TPM4: variants seen among roughly 807,000 people sequenced by gnomAD.
TPM4 encodes the protein tropomyosin alpha-4 chain.
In TPM4, 17 loss-of-function variants were observed where a neutral mutation model predicts 35.8. That is an observed-to-expected ratio of 0.47 (90% CI 0.32 to 0.71). The LOEUF (loss-of-function observed/expected upper bound fraction) is 0.71, where lower values mean the gene tolerates loss of function less well. TPM4 is among the 30% of genes least tolerant of loss of function. The pLI, the probability that TPM4 is intolerant of heterozygous loss-of-function variation, is 0.03. For synonymous variants in TPM4, 120 were observed against 122.9 expected (o/e 0.98, Z 0.15); for missense variants, 240 against 320.9 (o/e 0.75, Z 1.93).
In TPM4 at chr19:16,101,442, C is replaced by T. The variant is rs1422222146; in HGVS notation, c.*96C>T. On this transcript the variant is annotated 3_prime_UTR_variant, in exon 8 of 8. Coordinates refer to ENST00000643579, the MANE Select transcript of TPM4 (RefSeq NM_003290.3). Reference sequence around the variant, plus strand: ...GTTCCTTTTGTTATTGCCATCTTCGCTTTGCTGGAAATGTCAAGCAAATTA... The same window carrying T: ...GTTCCTTTTGTTATTGCCATCTTCGTTTTGCTGGAAATGTCAAGCAAATTA... The T allele has an allele frequency of 1.1e-6, 1 of 901,778 alleles. No homozygotes were observed. The highest frequency in any genetic ancestry group is 1.6e-6 in the Non-Finnish European group (1 of 621,306). 55.9% of individuals were successfully genotyped at this position (901,778 alleles called of 1,614,324 possible).
chr19:16,076,477 G>C (rs1026225475), upstream of TPM4: 48 of 1,333,538 alleles, frequency 3.6e-5, no homozygotes, highest in East Asian at 9.7e-5. Context: ...CAAAGGCTTG[G>C]GGGGCCGGGG....
chr19:16,075,908 ACCC>A, upstream of TPM4: 1 of 1,254,976 alleles, frequency 8.0e-7, no homozygotes, highest in Non-Finnish European at 1.1e-6. Context: ...TGCTATCGCA[ACCC>A]CTGTTCTACA....
intron 7 of TPM4, chr19:16,095,959 T>C (rs1446573091): frequency 6.6e-6 from 1 of 150,442 alleles, no homozygotes; most frequent in Non-Finnish European, 1.5e-5. Context: ...GGAGTCTCAC[T>C]ATGTCGCCCA....
chr19:16,089,668 C>CTTTTT (rs35056151), intron 5 of TPM4, among the ~76,000 whole-genome samples: 41 of 129,502 alleles, frequency 3.2e-4, no homozygotes, highest in African/African-American at 1.1e-3. Context: ...CCACCCCCCA[C>CTTTTT]TTTTTTTTTT....
At chr19:16,068,120 TGTGTGTAC>T (rs1457830869) in intron 2 of TPM4, among the ~76,000 whole-genome samples, 1 of 151,894 alleles carries the variant, frequency 6.6e-6, no homozygotes, top group South Asian at 2.1e-4. Flanking sequence ...TGTGTACGTG[TGTGTGTAC>T]GTGTGTGCGT....
upstream of TPM4, chr19:16,074,613 A>T (rs922326892): frequency 2.0e-5 from 3 of 152,222 alleles, no homozygotes; most frequent in Admixed American, 6.5e-5. Flanking sequence ...CATTCAGTTC[A>T]TTATAGGCTT....
intron 7 of TPM4, among the ~76,000 whole-genome samples, chr19:16,097,654 CCTACCACCA>C (rs1385355127): frequency 6.6e-6 from 1 of 152,124 alleles, no homozygotes; most frequent in African/African-American, 2.4e-5. Flanking sequence ...TCCCCTGCAT[CCTACCACCA>C]CTACCACCTC....
rs967427768 is a variant in TPM4, at chr19:16,076,773, G to GCTGC, written c.132+78_132+81dup. On this transcript the variant is annotated intron_variant, in intron 1 of 7. Coordinates refer to ENST00000643579, the MANE Select transcript of TPM4 (RefSeq NM_003290.3). ...CCCTCCTTTCTTCCCGGCTTCCCGC[G>GCTGC]CTGCCCGCCCGCGCGCAGTCCTCGG... 4.4e-5 allele frequency: 56 copies of GCTGC among 1,281,874 alleles called. No individual in the cohort carries two copies. The African/African-American group carries it at 6.9e-4, about 16-fold the overall frequency. 79.4% of individuals were successfully genotyped at this position (1,281,874 alleles called of 1,614,324 possible).
chr19:16,073,009 T>C (rs899463804), upstream of TPM4, among the ~76,000 whole-genome samples: 1 of 151,908 alleles, frequency 6.6e-6, no homozygotes, highest in Non-Finnish European at 1.5e-5. Flanking sequence ...TGCCCAAACA[T>C]TTCCCCCAAA....
chr19:16,099,335 T>C (rs2090738735), intron 7 of TPM4, among the ~76,000 whole-genome samples: 1 of 146,352 alleles, frequency 6.8e-6, no homozygotes, highest in East Asian at 2.2e-4. Flanking sequence ...TGGTGTCTCA[T>C]GCCAGTAATC....
At chr19:16,087,401 A>AC (rs1568306900) in intron 3 of TPM4, among the ~76,000 whole-genome samples, 1 of 151,962 alleles carries the variant, frequency 6.6e-6, no homozygotes, top group Non-Finnish European at 1.5e-5. Flanking sequence ...ACGTGGTGAA[A>AC]CCCTGTCTCT....
chr19:16,083,474 G>A (rs930845752), intron 2 of TPM4, among the ~76,000 whole-genome samples: 2 of 152,048 alleles, frequency 1.3e-5, no homozygotes, highest in East Asian at 1.9e-4. Context: ...TTCCTCACCC[G>A]CCCATGGTAT....
At chr19:16,072,010 CG>C (rs1421749558), upstream of TPM4, among the ~76,000 whole-genome samples, 7 of 152,208 alleles carry the variant, frequency 4.6e-5, no homozygotes, top group Admixed American at 4.6e-4. Flanking sequence ...TTAGTAAAGA[CG>C]GGGTTTCACC....
upstream of TPM4, chr19:16,075,686 G>A (rs2090396316): frequency 5.1e-6 from 1 of 197,380 alleles, no homozygotes; most frequent in African/African-American, 2.4e-5. Context: ...CGCAGAGAAT[G>A]AGATTGCTTA....
At chr19:16,075,789 T>A (rs1427297004), upstream of TPM4, 3 of 405,212 alleles carry the variant, frequency 7.4e-6, no homozygotes, top group Non-Finnish European at 1.3e-5. Flanking sequence ...AAGCTGCCAT[T>A]GATCTCCCTA....
chr19:16,072,185 C>G (rs1316720508), upstream of TPM4, among the ~76,000 whole-genome samples: 2 of 152,204 alleles, frequency 1.3e-5, no homozygotes, highest in Non-Finnish European at 2.9e-5. Flanking sequence ...CGATTCATCC[C>G]AAACACTTCC....
intron 2 of TPM4, among the ~76,000 whole-genome samples, chr19:16,085,274 C>A (rs576129612): frequency 6.6e-6 from 1 of 151,544 alleles, no homozygotes; most frequent in African/African-American, 2.4e-5. Flanking sequence ...TAAATAAATA[C>A]ACAACGTCTT....
At chr19:16,079,068 G>T (rs1000925229) in intron 1 of TPM4, among the ~76,000 whole-genome samples, 2 of 152,112 alleles carry the variant, frequency 1.3e-5, no homozygotes, top group Non-Finnish European at 2.9e-5. Context: ...AAAATGACTC[G>T]GCCGTGACTA....
intron 7 of TPM4, among the ~76,000 whole-genome samples, chr19:16,096,871 G>T (rs1224010986): frequency 6.8e-6 from 1 of 146,238 alleles, no homozygotes; most frequent in Non-Finnish European, 1.5e-5. Context: ...TCTTAAGGTT[G>T]ACCTGTGGGT....
Sources: allele counts gnomAD v4.1 joint callset (sites outside exome capture counted in the v4.1 genomes callset), GRCh38; gene constraint gnomAD v4.1.1; transcripts MANE v1.5; gene names NCBI Gene and HGNC (gene_info 2026-07-23, HGNC 2026-07-21).